Variants in NBEA observed in about 807,000 individuals in gnomAD.
NBEA encodes neurobeachin, also known as lysosomal-trafficking regulator 2.
Under a neutral mutation model 343.4 loss-of-function variants are expected in NBEA, and 44 were observed. That is an observed-to-expected ratio of 0.13 (90% CI 0.10 to 0.16). NBEA has a LOEUF of 0.16. NBEA is among the 10% of genes least tolerant of loss of function. The probability of loss-of-function intolerance (pLI) is 1.00; values close to 1 mark genes in which losing one functional copy is unlikely to be tolerated. For missense variants in NBEA, 2,555 were observed against 3,631.3 expected (o/e 0.70, Z 7.62); for synonymous variants, 1,175 against 1,238.7 (o/e 0.95, Z 1.08).
At chr13:35,467,836 C>T (rs2075454335) in intron 40 of NBEA, among the ~76,000 whole-genome samples, 1 of 152,052 alleles carries the variant, frequency 6.6e-6, no homozygotes, top group Non-Finnish European at 1.5e-5. Flanking sequence ...CAACTTTTAA[C>T]AATATTAAAC....
chr13:35,606,645 G>T (rs1248257632), intron 48 of NBEA, 67 bp downstream of exon 48: 76 of 1,340,988 alleles, frequency 5.7e-5, no homozygotes, highest in Non-Finnish European at 7.4e-5. Context: ...GTTTTGTTTT[G>T]TCCTGTTCTT....
chr13:35,594,066 C>T (rs759110029), intron 47 of NBEA, among the ~76,000 whole-genome samples: 1 of 151,920 alleles, frequency 6.6e-6, no homozygotes, highest in African/African-American at 2.4e-5. Flanking sequence ...TATATGGGCT[C>T]CTATTTTAAA....
chr13:35,428,100 G>A (rs918786296), intron 38 of NBEA, among the ~76,000 whole-genome samples: 7 of 152,246 alleles, frequency 4.6e-5, no homozygotes, highest in East Asian at 1.9e-4. Context: ...GCAATGCCTC[G>A]CCCTGCTTTG....
chr13:35,295,227 A>AT (rs1387247512), intron 35 of NBEA, among the ~76,000 whole-genome samples: 2 of 150,862 alleles, frequency 1.3e-5, no homozygotes, highest in Admixed American at 1.3e-4. Flanking sequence ...CCTCAAGAGT[A>AT]TTTTTAATAT....
chr13:35,475,132 T>C (rs1311459389), intron 41 of NBEA: 2 of 1,614,144 alleles, frequency 1.2e-6, no homozygotes, highest in Non-Finnish European at 1.7e-6. Context: ...GGCAGCGTTT[T>C]CCAGAGCTGA....
intron 43 of NBEA, among the ~76,000 whole-genome samples, chr13:35,554,122 G>C (rs942327660): frequency 2.0e-5 from 3 of 152,126 alleles, no homozygotes; most frequent in Non-Finnish European, 4.4e-5. Context: ...TTAAGTTTAT[G>C]AGTATTGTAT....
intron 38 of NBEA, among the ~76,000 whole-genome samples, chr13:35,424,083 A>G (rs1327640368): frequency 6.6e-6 from 1 of 152,210 alleles, no homozygotes; most frequent in Non-Finnish European, 1.5e-5. Flanking sequence ...ATATACAATC[A>G]TGTCATCTAC....
intron 18 of NBEA, among the ~76,000 whole-genome samples, chr13:35,142,660 C>T (rs532449359): frequency 4.6e-5 from 7 of 152,204 alleles, no homozygotes; most frequent in Admixed American, 1.3e-4. Context: ...AAACTACATC[C>T]GTTATGTAGT....
chr13:35,654,006 T>G (rs1256892661), intron 53 of NBEA, among the ~76,000 whole-genome samples: 1 of 152,250 alleles, frequency 6.6e-6, no homozygotes, highest in African/African-American at 2.4e-5. Context: ...AGTAGATATC[T>G]ACAGATAGTA....
At chr13:35,447,826 A>G (rs2046125154) in intron 39 of NBEA, among the ~76,000 whole-genome samples, 1 of 152,164 alleles carries the variant, frequency 6.6e-6, no homozygotes, top group Non-Finnish European at 1.5e-5. Context: ...CTGAAGATAG[A>G]TGATCTCAAA....
intron 41 of NBEA, among the ~76,000 whole-genome samples, chr13:35,549,196 G>T (rs548503943): frequency 1.3e-5 from 2 of 152,152 alleles, no homozygotes; most frequent in South Asian, 4.2e-4. Context: ...TGAATTAAGG[G>T]TTACAAAATG....
At chr13:34,994,665 T>C (rs965686334) in intron 1 of NBEA, among the ~76,000 whole-genome samples, 3 of 152,220 alleles carry the variant, frequency 2.0e-5, no homozygotes, top group Admixed American at 1.3e-4. Flanking sequence ...AAACTCATTA[T>C]AACTAGTCCT....
At chr13:35,094,809 C>A (rs1304245589) in intron 10 of NBEA, among the ~76,000 whole-genome samples, 1 of 151,798 alleles carries the variant, frequency 6.6e-6, no homozygotes, top group Non-Finnish European at 1.5e-5. Context: ...AGAGATGAAA[C>A]CTTTTAAAAA....
At chr13:35,013,925 T>C (rs1186534513) in intron 1 of NBEA, among the ~76,000 whole-genome samples, 1 of 152,212 alleles carries the variant, frequency 6.6e-6, no homozygotes, top group Non-Finnish European at 1.5e-5. Context: ...CATTAAATTC[T>C]GCTTTAACAT....
intron 36 of NBEA, among the ~76,000 whole-genome samples, chr13:35,309,942 A>G (rs2037245191): frequency 6.6e-6 from 1 of 152,096 alleles, no homozygotes; most frequent in Non-Finnish European, 1.5e-5. Context: ...TTACTCCTTC[A>G]GCTTCTCCTC....
intron 31 of NBEA, among the ~76,000 whole-genome samples, chr13:35,196,780 A>G (rs1007737663): frequency 7.2e-5 from 11 of 152,104 alleles, no homozygotes; most frequent in Non-Finnish European, 1.3e-4. Context: ...GTATATGGAA[A>G]AATTTTAAAA....
At chr13:35,087,583 AT>A (rs1397426969) in intron 10 of NBEA, among the ~76,000 whole-genome samples, 2 of 151,822 alleles carry the variant, frequency 1.3e-5, no homozygotes, top group Non-Finnish European at 2.9e-5. Context: ...TTCCAGAGAG[AT>A]TTTTTTCAAT....
chr13:35,247,258 T>A (rs1038068490), intron 34 of NBEA, among the ~76,000 whole-genome samples: 1 of 152,200 alleles, frequency 6.6e-6, no homozygotes, highest in South Asian at 2.1e-4. Context: ...CTGCCTGTCA[T>A]GTCTTCACAC....
At chr13:35,633,316 A>T (rs902644981) in intron 49 of NBEA, among the ~76,000 whole-genome samples, 1 of 150,708 alleles carries the variant, frequency 6.6e-6, no homozygotes, top group African/African-American at 2.4e-5. Context: ...GTTAGCCAGG[A>T]TGGTCTCAAT....
Sources: gnomAD v4.1 joint callset for allele counts (sites outside exome capture counted in the v4.1 genomes callset) on GRCh38, gnomAD v4.1.1 for gene constraint, MANE v1.5 for transcripts, NCBI Gene and HGNC (gene_info 2026-07-23, HGNC 2026-07-21) for gene names.